The following FAT1 variants were observed in gnomAD, a reference collection of about 807,000 sequenced individuals.
FAT1 encodes the protein protocadherin Fat 1.
A neutral mutation model predicts 329.8 loss-of-function variants in FAT1; 171 were observed. The ratio of observed to expected loss-of-function variants is 0.52; its 90% CI spans 0.46 to 0.59. The LOEUF is 0.59. FAT1 is among the 20% of genes least tolerant of loss of function. FAT1 has a pLI of 0.00. For missense variants in FAT1, 5,672 were observed against 5,774.4 expected (o/e 0.98, Z 0.57); for synonymous variants, 2,233 against 2,228.6 (o/e 1.00, Z -0.06).
intron 2 of FAT1, among the ~76,000 whole-genome samples, chr4:186,673,887 C>T (rs372016360): frequency 2.0e-5 from 3 of 152,274 alleles, no homozygotes; most frequent in African/African-American, 4.8e-5. Context: ...TTGTCAATGA[C>T]GGCTTTTGTG....
At chr4:186,679,137 A>T (rs1002607761) in intron 2 of FAT1, among the ~76,000 whole-genome samples, 8 of 152,094 alleles carry the variant, frequency 5.3e-5, no homozygotes, top group Non-Finnish European at 2.9e-5. Flanking sequence ...TCCCAGCACT[A>T]TGGGAGGCCG....
chr4:186,685,403 TA>T (rs1179221298), intron 2 of FAT1, among the ~76,000 whole-genome samples: 4 of 152,190 alleles, frequency 2.6e-5, no homozygotes, highest in African/African-American at 9.7e-5. Flanking sequence ...ATATGAAGGT[TA>T]AAAATTCCTA....
chr4:186,708,175 G>T lies in FAT1; in HGVS notation c.1653C>A (p.Val551=), dbSNP rs371972801. The T allele has an allele frequency of 6.2e-7, 1 of 1,613,986 alleles. No homozygotes were observed. Among genetic ancestry groups the T allele is most frequent in the African/African-American group, 1.3e-5 (1 of 75,046 alleles). ...SDWGLPYRRE[V]EVLATITLNN... ...TGAGAGTAATTGTAGCAAGGACTTCGACTTCCCGGCGGTACGGCAAGCCCC... is the reference window on the plus strand; with the variant it reads ...TGAGAGTAATTGTAGCAAGGACTTCTACTTCCCGGCGGTACGGCAAGCCCC... Residue 551 remains valine, a synonymous_variant, in exon 2 of 27, where the codon GTC becomes GTA. Coordinates refer to ENST00000441802, the MANE Select transcript of FAT1 (RefSeq NM_005245.4).
intron 2 of FAT1, 133 bp downstream of exon 2, chr4:186,706,430 A>T (rs893891491): frequency 6.3e-6 from 6 of 953,578 alleles, no homozygotes; most frequent in Non-Finnish European, 7.8e-6. Flanking sequence ...GCCAAAAAAA[A>T]TATTCACACG....
chr4:186,636,960 TA>T, intron 4 of FAT1, 46 bp from the exon 5 acceptor site: 1 of 1,503,578 alleles, frequency 6.7e-7, no homozygotes. Flanking sequence ...ATATACTATA[TA>T]AAAAGTGAGC....
At chr4:186,715,886 C>G (rs996384003) in intron 1 of FAT1, among the ~76,000 whole-genome samples, 8 of 152,152 alleles carry the variant, frequency 5.3e-5, no homozygotes, top group African/African-American at 1.9e-4. Flanking sequence ...AGAAAAATAA[C>G]TTTTGCAGTA....
chr4:186,658,136 T>C (rs1347774176), intron 3 of FAT1, among the ~76,000 whole-genome samples: 1 of 152,222 alleles, frequency 6.6e-6, no homozygotes, highest in Non-Finnish European at 1.5e-5. Context: ...AAACAAAAAA[T>C]GTTATAAAAA....
intron 3 of FAT1, among the ~76,000 whole-genome samples, chr4:186,650,655 G>A (rs897170460): frequency 6.6e-6 from 1 of 152,008 alleles, no homozygotes; most frequent in African/African-American, 2.4e-5. Context: ...GATTTTAACC[G>A]TACCTCTTGC....
chr4:186,670,774 T>C (rs949171380), intron 2 of FAT1, among the ~76,000 whole-genome samples: 4 of 152,060 alleles, frequency 2.6e-5, no homozygotes, highest in Admixed American at 6.6e-5. Context: ...AAAAATGATA[T>C]CCATTACAGA....
rs2126696555 is a variant in FAT1 at position 186,708,444 on chromosome 4, C to T, written c.1384G>A (p.Glu462Lys). Reference protein sequence around the residue: ...KVLGANSNPPEFTQTAYKAAF... With the variant: ...KVLGANSNPPKFTQTAYKAAF... ...GCTTTGTACGCTGTCTGGGTAAATT[C>T]AGGGGGATTGCTATTTGCACCTAAG... The change falls in exon 2 of 27, where the codon GAA (glutamate) becomes AAA (lysine). Residue 462 changes from glutamate to lysine, a missense_variant. Glu to Lys is a moderately conservative substitution (Grantham distance 56, BLOSUM62 1). Coordinates refer to ENST00000441802, the MANE Select transcript of FAT1 (RefSeq NM_005245.4). The T allele has an allele frequency of 1.2e-6, 2 of 1,613,944 alleles. No homozygotes were observed. The highest frequency in any genetic ancestry group is 1.1e-5 in the South Asian group (1 of 91,080).
At position 186,588,857 on chromosome 4, in the gene FAT1, G is replaced by T. The variant is rs1738090709; in HGVS notation, c.13502C>A (p.Pro4501His). 1 of 1,613,968 alleles carries T rather than the reference G, an allele frequency of 6.2e-7. No individual in the cohort carries two copies. Among genetic ancestry groups the T allele is most frequent in the Non-Finnish European group, 8.5e-7 (1 of 1,179,888 alleles). ...ATTCTCACCAGTGCCTTTTGTTTGA[G>T]GTTCAGACATATCGAGGGGATAAAA... Reference protein sequence around the residue: ...PNFYPLDMSEPQTKGTGENST... With the variant: ...PNFYPLDMSEHQTKGTGENST... Residue 4501 changes from proline to histidine, a missense_variant, in exon 27 of 27, where the codon CCT (proline) becomes CAT (histidine). Physicochemically the swap from Pro to His is moderately conservative, Grantham distance 77 (BLOSUM62 -2). Around this residue, in one of 2 missense-constraint regions of FAT1, gnomAD observed 1,706 missense variants for 1,859.1 expected, o/e 0.92. Coordinates refer to ENST00000441802, the MANE Select transcript of FAT1 (RefSeq NM_005245.4).
At chr4:186,716,659 C>T (rs776151865) in intron 1 of FAT1, among the ~76,000 whole-genome samples, 6 of 152,318 alleles carry the variant, frequency 3.9e-5, no homozygotes, top group South Asian at 2.1e-4. Flanking sequence ...CTCAACTGAT[C>T]GACCTGCCTG....
At chr4:186,722,017 T>A (rs1745489295) in intron 1 of FAT1, among the ~76,000 whole-genome samples, 2 of 152,190 alleles carry the variant, frequency 1.3e-5, no homozygotes, top group Non-Finnish European at 2.9e-5. Flanking sequence ...TTTGTATTTT[T>A]AGTAGAGACG....
chr4:186,644,139 G>GT (rs1340834003), intron 3 of FAT1, among the ~76,000 whole-genome samples: 3 of 151,994 alleles, frequency 2.0e-5, no homozygotes, highest in African/African-American at 7.3e-5. Flanking sequence ...TCAGATGAGC[G>GT]TTTTTTTCTC....
At chr4:186,600,409 T>C (rs770698415) in intron 21 of FAT1, 49 bp from the exon 22 acceptor site, 7 of 1,465,458 alleles carry the variant, frequency 4.8e-6, no homozygotes, top group Non-Finnish European at 5.6e-6. Context: ...GAACCTTCAA[T>C]GAGAGCACCT....
In FAT1 at chr4:186,636,311, G is replaced by A. The variant is rs543508081; in HGVS notation, c.3973-76C>T. The A allele has an allele frequency of 6.5e-6, 9 of 1,379,018 alleles. No individual in the cohort carries two copies. In the African/African-American group the frequency reaches 1.1e-4, roughly 17 times the overall value. The allele number at this position is 1,379,018 out of a possible 1,614,324, so 85.4% of individuals were successfully genotyped here. On this transcript the variant is annotated intron_variant, in intron 5 of 26. Transcript: ENST00000441802. ...CCCAGAAATGAATGAAGCACAGACT[G>A]GTTTGGTCTTAAACTGAGCCAATTT...
intron 16 of FAT1, 23 bp from the exon 17 acceptor site, chr4:186,606,236 G>A (rs765413913): frequency 8.7e-6 from 14 of 1,611,992 alleles, no homozygotes; most frequent in Non-Finnish European, 5.9e-6. Context: ...AAGACAGAAT[G>A]CACGTTCATT....
At chr4:186,666,280 C>G (rs1438435447) in intron 2 of FAT1, among the ~76,000 whole-genome samples, 1 of 152,120 alleles carries the variant, frequency 6.6e-6, no homozygotes, top group Non-Finnish European at 1.5e-5. Flanking sequence ...TGAAGATGAA[C>G]TCAAACATGC....
intron 17 of FAT1, among the ~76,000 whole-genome samples, chr4:186,605,820 T>C (rs1424045173): frequency 6.6e-6 from 1 of 151,998 alleles, no homozygotes; most frequent in Admixed American, 6.5e-5. Flanking sequence ...GCAGGTCTGA[T>C]TAAGCAATAA....
Sources: allele counts gnomAD v4.1 joint callset (sites outside exome capture counted in the v4.1 genomes callset), GRCh38; gene constraint gnomAD v4.1.1; regional missense constraint gnomAD v4.1.1; transcripts MANE v1.5; gene names NCBI Gene and HGNC (gene_info 2026-07-23, HGNC 2026-07-21).